TCF4: variants seen among roughly 807,000 people sequenced by gnomAD.
TCF4 encodes SL3-3 enhancer factor 2.
Under a neutral mutation model 82.1 loss-of-function variants are expected in TCF4, and 3 were observed. The ratio of observed to expected loss-of-function variants is 0.04; its 90% CI spans 0.02 to 0.09. The LOEUF (loss-of-function observed/expected upper bound fraction) is 0.09. Among genes scored for constraint, TCF4 ranks in the 10% least tolerant of loss-of-function variants. TCF4 has a pLI of 1.00. For missense variants in TCF4, 518 were observed against 852.7 expected (o/e 0.61, Z 4.89); for synonymous variants, 276 against 309.6 (o/e 0.89, Z 1.14).
intron 3 of TCF4, among the ~76,000 whole-genome samples, chr18:55,566,327 G>A (rs1383048503): frequency 3.3e-5 from 5 of 152,128 alleles, no homozygotes; most frequent in South Asian, 2.1e-4. Flanking sequence ...GGCAGGAGGC[G>A]GGTGGCTAAG....
At chr18:55,480,262 C>G (rs2096392909) in intron 3 of TCF4, among the ~76,000 whole-genome samples, 1 of 106,646 alleles carries the variant, frequency 9.4e-6, no homozygotes, top group South Asian at 3.1e-4. Context: ...GAACCTGGAA[C>G]ACAGTAGGAA....
At chr18:55,361,924 C>T (rs1569187168) in intron 6 of TCF4, among the ~76,000 whole-genome samples, 1 of 152,142 alleles carries the variant, frequency 6.6e-6, no homozygotes, top group African/African-American at 2.4e-5. Context: ...GAAGTATCCA[C>T]CCGAGATTAT....
chr18:55,298,522 C>CA lies in TCF4; in HGVS notation c.550-18867_550-18866insT, dbSNP rs2067183813. Among the ~76,000 whole-genome samples, 3 of 134,712 alleles carry CA rather than the reference C, an allele frequency of 2.2e-5. No individual in the cohort carries two copies. The South Asian group carries it at 6.6e-4, about 30-fold the overall frequency. The allele number at this position is 134,712 out of a possible 152,430, so 88.4% of individuals were successfully genotyped here. A position where few individuals can be genotyped will look rare whatever the true frequency, so the allele number is the denominator to read the frequency against. On this transcript the variant is annotated intron_variant, in intron 8 of 19. Transcript: ENST00000354452. ...GGAAAGCAATGTTTTTAGAAAAAAACCCCAGCAAATTAAACTTCTCAGTAT... is the reference window on the plus strand; with the variant it reads ...GGAAAGCAATGTTTTTAGAAAAAAACACCCAGCAAATTAAACTTCTCAGTAT...
intron 6 of TCF4, among the ~76,000 whole-genome samples, chr18:55,371,124 T>C (rs563339571): frequency 6.6e-6 from 1 of 152,356 alleles, no homozygotes; most frequent in African/African-American, 2.4e-5. Context: ...TTTGGTATTA[T>C]TGAGGTCTCT....
intron 3 of TCF4, among the ~76,000 whole-genome samples, chr18:55,487,338 T>C (rs1486439144): frequency 6.6e-6 from 1 of 152,238 alleles, no homozygotes; most frequent in Non-Finnish European, 1.5e-5. Context: ...CATATATTTA[T>C]ATTTGTTGGT....
chr18:55,377,924 T>C (rs1251856015), intron 6 of TCF4, among the ~76,000 whole-genome samples: 2 of 152,222 alleles, frequency 1.3e-5, no homozygotes, highest in Non-Finnish European at 2.9e-5. Flanking sequence ...ATTCACGCTA[T>C]AGAATAAAAA....
At chr18:55,340,554 A>G (rs955949941) in intron 8 of TCF4, among the ~76,000 whole-genome samples, 1 of 149,312 alleles carries the variant, frequency 6.7e-6, no homozygotes, top group Non-Finnish European at 1.5e-5. Flanking sequence ...ACTGTACTCC[A>G]ACCTAGGTGA....
intron 8 of TCF4, among the ~76,000 whole-genome samples, chr18:55,320,014 T>C (rs186497976): frequency 6.6e-6 from 1 of 152,306 alleles, no homozygotes; most frequent in African/African-American, 2.4e-5. Flanking sequence ...AATCCCTGAA[T>C]CTGCTTCAGA....
chr18:55,268,026 A>G (rs1738873642), intron 11 of TCF4: 1 of 152,180 alleles, frequency 6.6e-6, no homozygotes, highest in South Asian at 2.1e-4. Flanking sequence ...ATTCCCACTG[A>G]GAGCTGTGGC....
intron 3 of TCF4, among the ~76,000 whole-genome samples, chr18:55,474,341 T>C (rs921494233): frequency 3.3e-5 from 5 of 152,348 alleles, no homozygotes; most frequent in Non-Finnish European, 5.9e-5. Context: ...CATTTAATTT[T>C]TGTGGTACGA....
At chr18:55,428,595 G>A (rs548693593) in intron 5 of TCF4, among the ~76,000 whole-genome samples, 8 of 152,170 alleles carry the variant, frequency 5.3e-5, no homozygotes, top group Non-Finnish European at 7.4e-5. Flanking sequence ...AAGAAATGAG[G>A]TTACATTTGT....
chr18:55,635,089 A>T (rs2097734980), intron 1 of TCF4, among the ~76,000 whole-genome samples: 1 of 152,186 alleles, frequency 6.6e-6, no homozygotes, highest in South Asian at 2.1e-4. Flanking sequence ...CTTGGAGAGA[A>T]AGAGGAACCA....
At position 55,439,759 on chromosome 18, in the gene TCF4, GTC is replaced by G. The variant is rs2095404257; in HGVS notation, c.304+21258_304+21259del. Among the ~76,000 whole-genome samples the G allele has an allele frequency of 1.4e-4, 22 of 152,292 alleles. No individual in the cohort carries two copies. The South Asian group carries it at 4.1e-3, about 29-fold the overall frequency. ...CTTTTTTGAGACGGAGTCTCACTCTGTCACCGAGGCAAGAGTATAACGGCATG... is the reference window on the plus strand; with the variant it reads ...CTTTTTTGAGACGGAGTCTCACTCTGACCGAGGCAAGAGTATAACGGCATG... On this transcript the variant is annotated intron_variant, in intron 5 of 19. Transcript: ENST00000354452.
chr18:55,411,241 G>A (rs1322510999), intron 5 of TCF4, among the ~76,000 whole-genome samples: 1 of 152,124 alleles, frequency 6.6e-6, no homozygotes, highest in African/African-American at 2.4e-5. Context: ...AAGGACTAAG[G>A]GCAACCCTGA....
intron 15 of TCF4, among the ~76,000 whole-genome samples, chr18:55,246,407 A>G (rs2053194699): frequency 1.3e-5 from 2 of 152,176 alleles, no homozygotes; most frequent in South Asian, 4.1e-4. Context: ...TAAACATCCA[A>G]TGCCAGACTG....
Position 55,586,939 on chromosome 18 carries a change from A to C in TCF4, c.72+106T>G, listed in dbSNP as rs1041009840. On this transcript the variant is annotated intron_variant, in intron 2 of 19. Transcript: ENST00000354452. ...TATTTACCAAGGATTCAGCCAATTA[A>C]AAATTATTACTGTCCTTTAGATTCC... The C allele has an allele frequency of 1.3e-5, 13 of 1,011,672 alleles. No homozygotes were observed. In the Admixed American group the frequency reaches 1.7e-4, roughly 13 times the overall value. 62.7% of individuals were successfully genotyped at this position (1,011,672 alleles called of 1,614,324 possible).
chr18:55,370,124 G>A (rs1019330599), intron 6 of TCF4, among the ~76,000 whole-genome samples: 10 of 152,226 alleles, frequency 6.6e-5, no homozygotes, highest in Non-Finnish European at 8.8e-5. Context: ...AAGGCCGGGC[G>A]CAATGGCTCA....
intron 2 of TCF4, among the ~76,000 whole-genome samples, chr18:55,613,219 C>G (rs1036739104): frequency 2.0e-5 from 3 of 152,090 alleles, no homozygotes; most frequent in South Asian, 2.1e-4. Context: ...ACCCCAAAAG[C>G]TTCCTCATGC....
chr18:55,425,187 C>A (rs1469364511), intron 5 of TCF4, among the ~76,000 whole-genome samples: 1 of 152,150 alleles, frequency 6.6e-6, no homozygotes, highest in Non-Finnish European at 1.5e-5. Context: ...GAGAAAGTGT[C>A]CTACCTAAAA....
Sources: gnomAD v4.1 joint callset for allele counts (sites outside exome capture counted in the v4.1 genomes callset) on GRCh38, gnomAD v4.1.1 for gene constraint, MANE v1.5 for transcripts, NCBI Gene and HGNC (gene_info 2026-07-23, HGNC 2026-07-21) for gene names.